CDC42BPB: variants seen among roughly 807,000 people sequenced by gnomAD.
CDC42BPB encodes CDC42 binding protein kinase beta, also known as serine/threonine-protein kinase MRCK beta.
A neutral mutation model predicts 214.9 loss-of-function variants in CDC42BPB; 37 were observed. The observed-to-expected ratio is 0.17, with a 90% CI of 0.13 to 0.23. CDC42BPB has a LOEUF of 0.23. CDC42BPB is among the 10% of genes least tolerant of loss of function. The pLI is 1.00. For synonymous variants in CDC42BPB, 931 were observed against 884.0 expected (o/e 1.05, Z -0.94); for missense variants, 1,694 against 2,227.0 (o/e 0.76, Z 4.82).
intron 30 of CDC42BPB, chr14:102,940,732 C>G (rs1451186248): frequency 1.2e-5 from 3 of 243,286 alleles, no homozygotes; most frequent in Non-Finnish European, 2.5e-5. Context: ...TAGGAGATGG[C>G]AAGTCCGGTT....
At chr14:102,995,895 G>A (rs1042538084) in intron 5 of CDC42BPB, among the ~76,000 whole-genome samples, 3 of 152,222 alleles carry the variant, frequency 2.0e-5, no homozygotes, top group African/African-American at 7.2e-5. Context: ...GGTAAGACAG[G>A]CCTCCTAGAA....
At chr14:102,970,338 T>C in intron 13 of CDC42BPB, 77 bp from the exon 14 acceptor site, 1 of 1,524,814 alleles carries the variant, frequency 6.6e-7, no homozygotes, top group Non-Finnish European at 8.8e-7. Context: ...CCACGGGACC[T>C]CCACAAGAAC....
intron 3 of CDC42BPB, among the ~76,000 whole-genome samples, chr14:103,007,600 C>G (rs1259240647): frequency 6.6e-6 from 1 of 152,236 alleles, no homozygotes; most frequent in African/African-American, 2.4e-5. Context: ...GCGCTGACCG[C>G]AGGGCTGAGC....
chr14:103,043,871 CT>C (rs1246713353), intron 1 of CDC42BPB, among the ~76,000 whole-genome samples: 1 of 152,024 alleles, frequency 6.6e-6, no homozygotes, highest in African/African-American at 2.4e-5. Context: ...ACAAATCTTG[CT>C]TTTTAAAAAA....
intron 4 of CDC42BPB, among the ~76,000 whole-genome samples, chr14:103,002,731 C>T (rs1222976957): frequency 1.3e-5 from 2 of 152,106 alleles, no homozygotes; most frequent in African/African-American, 2.4e-5. Flanking sequence ...CAAGTGACTT[C>T]GCCTCCCTCT....
chr14:102,967,022 C>T, intron 17 of CDC42BPB, 24 bp downstream of exon 17: 1 of 1,608,794 alleles, frequency 6.2e-7, no homozygotes, highest in Non-Finnish European at 8.5e-7. Flanking sequence ...GGATTCACGG[C>T]CGCTAATGGG....
intron 5 of CDC42BPB, among the ~76,000 whole-genome samples, chr14:102,994,135 T>C (rs1465236419): frequency 6.6e-6 from 1 of 151,886 alleles, no homozygotes; most frequent in Non-Finnish European, 1.5e-5. Flanking sequence ...TTAGCAGGAA[T>C]GCAACGACCA....
At chr14:102,964,840 A>T in intron 18 of CDC42BPB, 190 bp from the exon 19 acceptor site, 1 of 805,004 alleles carries the variant, frequency 1.2e-6, no homozygotes, top group Non-Finnish European at 1.5e-6. Flanking sequence ...CTTCCTCAGA[A>T]ATCTTCTAAA....
intron 1 of CDC42BPB, among the ~76,000 whole-genome samples, chr14:103,041,102 G>A (rs182996850): frequency 5.3e-5 from 8 of 152,258 alleles, no homozygotes; most frequent in East Asian, 3.9e-4. Context: ...GAATACAACC[G>A]AGAGTCCAGA....
At chr14:103,008,854 G>C (rs1284690252) in intron 2 of CDC42BPB, 1 of 164,474 alleles carries the variant, frequency 6.1e-6, no homozygotes, top group Non-Finnish European at 1.3e-5. Context: ...CACCTATGAG[G>C]ACCCATGAGC....
At chr14:103,013,303 C>T (rs953671982) in intron 1 of CDC42BPB, among the ~76,000 whole-genome samples, 1 of 152,176 alleles carries the variant, frequency 6.6e-6, no homozygotes, top group Non-Finnish European at 1.5e-5. Context: ...CATGGCGGTC[C>T]CGAATAGGTC....
At chr14:102,994,646 G>A (rs548138777) in intron 5 of CDC42BPB, among the ~76,000 whole-genome samples, 2 of 152,346 alleles carry the variant, frequency 1.3e-5, no homozygotes, top group African/African-American at 4.8e-5. Context: ...GCTCCCCCAA[G>A]TGCATTTTCT....
chr14:102,964,237 C>G (rs1893087391), intron 19 of CDC42BPB, among the ~76,000 whole-genome samples: 1 of 152,252 alleles, frequency 6.6e-6, no homozygotes, highest in South Asian at 2.1e-4. Context: ...GCACAAGCAC[C>G]CGCTGCCGTC....
chr14:102,947,646 G>A (rs142103414), intron 27 of CDC42BPB, 75 bp downstream of exon 27: 24 of 1,301,304 alleles, frequency 1.8e-5, no homozygotes, highest in Admixed American at 3.4e-5. Context: ...GATGGCTGCC[G>A]CAGCACAATG....
intron 5 of CDC42BPB, among the ~76,000 whole-genome samples, chr14:102,991,762 T>C (rs751611783): frequency 6.6e-6 from 1 of 152,252 alleles, no homozygotes; most frequent in Non-Finnish European, 1.5e-5. Flanking sequence ...GCAACCCTTG[T>C]ATAAGACTGA....
At position 102,945,668 on chromosome 14, in the gene CDC42BPB, G is replaced by C. The variant is rs140036206; in HGVS notation, c.3805C>G (p.Arg1269Gly). ...AAACGCCCTGCTCACTCACCATCTC[G>C]GGTGACCTCTATGACATAGAGCCCT... ...EEGLYVIEVT[R>G]DVIVRAADCK... is the part of the protein sequence containing the mutation. The change falls in exon 29 of 37, where the codon CGA (arginine) becomes GGA (glycine). Residue 1269 changes from arginine to glycine, a missense_variant. This residue lies in a region of CDC42BPB where 567 missense variants were observed against 790.3 expected (regional missense o/e 0.72). Transcript: ENST00000361246. 2 of 1,612,464 alleles carry C rather than the reference G, an allele frequency of 1.2e-6. No homozygotes were observed. The highest frequency in any genetic ancestry group is 2.2e-5 in the East Asian group (1 of 44,874).
chr14:102,977,294 G>A (rs1309144770), intron 9 of CDC42BPB, among the ~76,000 whole-genome samples: 9 of 144,446 alleles, frequency 6.2e-5, no homozygotes, highest in Admixed American at 2.2e-4. Context: ...AGCTGAGATC[G>A]TGCCTCTGCA....
In CDC42BPB at chr14:103,057,453, A is replaced by AGCCCCGCCCGCGGCCGC. The variant is rs1488625014; in HGVS notation, c.-297_-281dup. 6 of 377,248 alleles carry AGCCCCGCCCGCGGCCGC rather than the reference A, an allele frequency of 1.6e-5. No individual in the cohort carries two copies. Among genetic ancestry groups the AGCCCCGCCCGCGGCCGC allele is most frequent in the African/African-American group, 2.2e-5 (1 of 44,562 alleles). The allele number at this position is 377,248 out of a possible 1,614,324, so 23.4% of individuals were successfully genotyped here. Reference sequence around the variant, plus strand: ...CGGGCGGCCCGCCCCCGCCGCCCTCAGCCCCGCCCGCGGCCGCGCCCTCCC... The same window carrying AGCCCCGCCCGCGGCCGC: ...CGGGCGGCCCGCCCCCGCCGCCCTCAGCCCCGCCCGCGGCCGCGCCCCGCCCGCGGCCGCGCCCTCCC... On this transcript the variant is annotated 5_prime_UTR_variant, in exon 1 of 37. Transcript: ENST00000361246.
Position 103,025,733 on chromosome 14 carries a change from G to A in CDC42BPB, c.176-13545C>T, listed in dbSNP as rs1427398193. ...CTAGGGAGGCTGAGGCAGGAGAATC[G>A]CTTGAACCCAGGAGGCAGAGGTTGT... On this transcript the variant is annotated intron_variant, in intron 1 of 36. Transcript: ENST00000361246. 5.3e-5 allele frequency among the ~76,000 whole-genome samples: 8 copies of A among 151,004 alleles called. No homozygotes were observed. The South Asian group carries it at 1.1e-3, about 20-fold the overall frequency.
Sources: gnomAD v4.1 joint callset for allele counts (sites outside exome capture counted in the v4.1 genomes callset) on GRCh38, gnomAD v4.1.1 for gene constraint, gnomAD v4.1.1 regional missense constraint, MANE v1.5 for transcripts, NCBI Gene and HGNC (gene_info 2026-07-23, HGNC 2026-07-21) for gene names.